Variants in HPSE2 observed in about 807,000 individuals in gnomAD.
HPSE2 encodes the protein inactive heparanase-2.
In HPSE2, 38 loss-of-function variants were observed where a neutral mutation model predicts 60.5. That is an observed-to-expected ratio of 0.63 (90% CI 0.48 to 0.82). The LOEUF (loss-of-function observed/expected upper bound fraction) is 0.82, where lower values mean the gene tolerates loss of function less well. HPSE2 is among the 40% of genes least tolerant of loss of function. HPSE2 has a pLI of 0.00. For missense variants in HPSE2, 713 were observed against 740.4 expected (o/e 0.96, Z 0.43); for synonymous variants, 295 against 293.2 (o/e 1.01, Z -0.06).
At chr10:98,838,756 T>C (rs922041500) in intron 3 of HPSE2, among the ~76,000 whole-genome samples, 1 of 152,104 alleles carries the variant, frequency 6.6e-6, no homozygotes, top group African/African-American at 2.4e-5. Flanking sequence ...ATTCCTCACA[T>C]CACTAGCACA....
intron 7 of HPSE2, among the ~76,000 whole-genome samples, chr10:98,635,775 C>A (rs1019511014): frequency 7.9e-6 from 1 of 126,382 alleles, no homozygotes; most frequent in Admixed American, 8.9e-5. Context: ...GAACAAGACC[C>A]CATCTCATGA....
intron 7 of HPSE2, among the ~76,000 whole-genome samples, chr10:98,632,823 T>C (rs75400201): frequency 1.7e-3 from 252 of 152,340 alleles, no homozygotes; most frequent in Middle Eastern, 0.01. Context: ...TCAGGCCCCA[T>C]AAAACTCAGA....
chr10:99,211,542 G>T (rs180886985), intron 2 of HPSE2, among the ~76,000 whole-genome samples: 1 of 151,946 alleles, frequency 6.6e-6, no homozygotes, highest in Non-Finnish European at 1.5e-5. Context: ...GAACCGAGAC[G>T]CCAGAAATGG....
At chr10:98,500,578 G>C (rs1382046476) in intron 9 of HPSE2, among the ~76,000 whole-genome samples, 3 of 152,136 alleles carry the variant, frequency 2.0e-5, no homozygotes, top group African/African-American at 7.2e-5. Context: ...AAGACTGAAA[G>C]AGCACAGACT....
chr10:99,273,198 A>G, the HPSE2 span, among the ~76,000 whole-genome samples: 8 of 152,230 alleles, frequency 5.3e-5, no homozygotes, highest in East Asian at 1.9e-4. Context: ...GTTCTCAGTC[A>G]TAAGTGGGAG....
intron 2 of HPSE2, among the ~76,000 whole-genome samples, chr10:99,172,997 T>C (rs1294010730): frequency 6.6e-6 from 1 of 152,144 alleles, no homozygotes; most frequent in Admixed American, 6.6e-5. Context: ...AGGATATAAG[T>C]ACATTACACA....
the HPSE2 span, among the ~76,000 whole-genome samples, chr10:99,292,857 A>G: frequency 6.6e-6 from 1 of 152,260 alleles, no homozygotes; most frequent in African/African-American, 2.4e-5. Context: ...ATTGGATGGT[A>G]CAGATCTAGA....
intron 9 of HPSE2, among the ~76,000 whole-genome samples, chr10:98,553,349 T>G (rs920424513): frequency 1.3e-5 from 2 of 152,252 alleles, no homozygotes; most frequent in African/African-American, 4.8e-5. Flanking sequence ...ACTTTATGTG[T>G]TATCTTAGTT....
intron 7 of HPSE2, among the ~76,000 whole-genome samples, chr10:98,625,362 T>C (rs929752856): frequency 6.6e-6 from 1 of 152,222 alleles, no homozygotes; most frequent in Non-Finnish European, 1.5e-5. Context: ...TGGGGTTTTC[T>C]CCTTGATCTG....
intron 6 of HPSE2, among the ~76,000 whole-genome samples, chr10:98,660,703 CT>C (rs1947199375): frequency 6.6e-6 from 1 of 152,148 alleles, no homozygotes; most frequent in Non-Finnish European, 1.5e-5. Flanking sequence ...TGACCTTCAT[CT>C]TTCCTTTCCT....
chr10:98,828,541 G>A lies in HPSE2; in HGVS notation c.611-84485C>T, dbSNP rs566470010. ...ACAAAACCAATTAAAAATGGGCATA[G>A]GACTTAAATAGACATTTCTCCAAAG... On this transcript the variant is annotated intron_variant, in intron 3 of 11. Coordinates refer to ENST00000370552, the MANE Select transcript of HPSE2 (RefSeq NM_021828.5). 4.1e-4 allele frequency among the ~76,000 whole-genome samples: 63 copies of A among 152,222 alleles called. 1 individual carries two copies. Among genetic ancestry groups the A allele is most frequent in the Admixed American group, 2.5e-3 (38 of 15,286 alleles).
At chr10:98,768,492 T>G (rs1468607865) in intron 3 of HPSE2, among the ~76,000 whole-genome samples, 1 of 152,216 alleles carries the variant, frequency 6.6e-6, no homozygotes, top group Non-Finnish European at 1.5e-5. Flanking sequence ...TAGAAAATGG[T>G]GAGCACAATT....
At chr10:99,199,421 T>C (rs1163778475) in intron 2 of HPSE2, among the ~76,000 whole-genome samples, 3 of 152,144 alleles carry the variant, frequency 2.0e-5, no homozygotes, top group Non-Finnish European at 4.4e-5. Context: ...TTAGTGATAC[T>C]GAGTCTTTAG....
At chr10:99,290,023 G>A in the HPSE2 span, among the ~76,000 whole-genome samples, 1 of 152,090 alleles carries the variant, frequency 6.6e-6, no homozygotes, top group South Asian at 2.1e-4. Context: ...AGACTCAGAG[G>A]TAAGCAGGGG....
chr10:99,178,585 C>A (rs2796758), intron 2 of HPSE2, among the ~76,000 whole-genome samples: 149,047 of 152,210 alleles, frequency 0.98, 73,049 homozygotes, highest in East Asian at 1. Flanking sequence ...AGTCAAATCC[C>A]TGAATAGACT....
rs139804633 is a variant in HPSE2, at chr10:98,755,910, T to C, written c.611-11854A>G. 2.0e-5 allele frequency among the ~76,000 whole-genome samples: 3 copies of C among 152,192 alleles called. No individual in the cohort carries two copies. In the East Asian group the frequency reaches 5.8e-4, roughly 29 times the overall value. On this transcript the variant is annotated intron_variant, in intron 3 of 11. Transcript: ENST00000370552. ...ACTCGGGAGGCTGAGGTGAGAGAAC[T>C]GCTTGAACCAGGGAGTTGGAGGTTG...
intron 9 of HPSE2, among the ~76,000 whole-genome samples, chr10:98,560,775 G>A (rs754266859): frequency 1.2e-4 from 19 of 152,176 alleles, no homozygotes; most frequent in Non-Finnish European, 2.2e-4. Flanking sequence ...AATTGCTATT[G>A]CCTAATGACA....
At chr10:98,831,832 G>C (rs1951689671) in intron 3 of HPSE2, among the ~76,000 whole-genome samples, 1 of 152,168 alleles carries the variant, frequency 6.6e-6, no homozygotes, top group Non-Finnish European at 1.5e-5. Context: ...GCTCCTCAGA[G>C]CTACTAAGAT....
At chr10:98,513,738 A>C (rs1035334652) in intron 9 of HPSE2, among the ~76,000 whole-genome samples, 1 of 152,230 alleles carries the variant, frequency 6.6e-6, no homozygotes, top group Non-Finnish European at 1.5e-5. Context: ...TGTTTCAACA[A>C]CTTGGAGAGT....
Sources: allele counts gnomAD v4.1 joint callset (sites outside exome capture counted in the v4.1 genomes callset), GRCh38; gene constraint gnomAD v4.1.1; transcripts MANE v1.5; gene names NCBI Gene and HGNC (gene_info 2026-07-23, HGNC 2026-07-21).